The following GEN1 variants were observed in gnomAD, a reference collection of about 807,000 sequenced individuals.
GEN1 encodes the protein GEN1 structure-specific endonuclease, also known as flap endonuclease GEN homolog 1.
In GEN1, 64 loss-of-function variants were observed where a neutral mutation model predicts 67.6. That is an observed-to-expected ratio of 0.95 (90% CI 0.77 to 1.17). The LOEUF (loss-of-function observed/expected upper bound fraction) is 1.17, where lower values mean the gene tolerates loss of function less well. Ranked by LOEUF, GEN1 falls within the 50% of genes most tolerant of loss-of-function variation. The probability of loss-of-function intolerance (pLI) is 0.00; values close to 1 mark genes in which losing one functional copy is unlikely to be tolerated. For missense variants in GEN1, 1,058 were observed against 1,048.3 expected (o/e 1.01, Z -0.13); for synonymous variants, 371 against 359.4 (o/e 1.03, Z -0.37).
In GEN1 at chr2:17,778,071, T is replaced by C. The variant is rs763198118; in HGVS notation, c.1264+8T>C. On this transcript the variant is annotated splice_region_variant and intron_variant, in intron 12 of 13. Transcript: ENST00000381254. ...TAGAATGGGAAAAGCCTGGTATGTA[T>C]TCACTTTAAGCAAAATATTCCATTT... is the stretch of plus-strand genomic sequence containing the variant. 3.2e-6 allele frequency: 5 copies of C among 1,552,116 alleles called. No homozygotes were observed. Among genetic ancestry groups the C allele is most frequent in the Non-Finnish European group, 4.4e-6 (5 of 1,126,624 alleles).
At chr2:17,779,050 G>A (rs1288117806) in intron 12 of GEN1, among the ~76,000 whole-genome samples, 3 of 152,130 alleles carry the variant, frequency 2.0e-5, no homozygotes, top group African/African-American at 7.2e-5. Flanking sequence ...AGCCTCCCAA[G>A]TAGCTGGGGT....
intron 11 of GEN1, among the ~76,000 whole-genome samples, chr2:17,777,157 T>C (rs1309645059): frequency 2.0e-5 from 3 of 152,002 alleles, no homozygotes; most frequent in African/African-American, 7.3e-5. Flanking sequence ...AAAGTGTTGT[T>C]AAAGGATATA....
rs887233527 is a variant in GEN1, at chr2:17,781,742, A to G, written c.2530A>G (p.Lys844Glu). ...ESGHNKLSSP[K>E]IHIKETEQCV... Reference sequence around the variant, plus strand: ...TGGCCATAACAAGTTGAGTAGCCCTAAGATACATATTAAAGAAACTGAACA... The same window carrying G: ...TGGCCATAACAAGTTGAGTAGCCCTGAGATACATATTAAAGAAACTGAACA... The change falls in exon 14 of 14, where the codon AAG becomes GAG. Residue 844 changes from lysine (K) to glutamate (E), a missense_variant. Lys to Glu is a moderately conservative substitution (Grantham distance 56, BLOSUM62 1). Transcript: ENST00000381254. 1.2e-6 allele frequency: 2 copies of G among 1,613,742 alleles called. No homozygotes were observed. Among genetic ancestry groups the G allele is most frequent in the Non-Finnish European group, 1.7e-6 (2 of 1,179,752 alleles).
chr2:17,759,779 C>G (rs1244395049), intron 1 of GEN1, 150 bp from the exon 2 acceptor site: 4 of 587,044 alleles, frequency 6.8e-6, no homozygotes, highest in Non-Finnish European at 1.1e-5. Context: ...TTCAGGTGTT[C>G]TTAATTCATT....
Position 17,780,758 on chromosome 2 carries a change from A to T in GEN1, c.1546A>T (p.Thr516Ser). Reference sequence around the variant, plus strand: ...AAATTCGGGGATTTCCCCTGATCCTACATTACCACAGGAATCTATTTCTGC... The same window carrying T: ...AAATTCGGGGATTTCCCCTGATCCTTCATTACCACAGGAATCTATTTCTGC... ...KLNSGISPDPTLPQESISASL... is the reference protein window; with the variant it reads ...KLNSGISPDPSLPQESISASL... The change falls in exon 14 of 14, where the codon ACA (threonine) becomes TCA (serine). Residue 516 changes from threonine (T) to serine (S), a missense_variant. Transcript: ENST00000381254. 6.2e-7 allele frequency: 1 copy of T among 1,614,014 alleles called. No individual in the cohort carries two copies. The highest frequency in any genetic ancestry group is 1.1e-5 in the South Asian group (1 of 91,058).
In GEN1 at chr2:17,781,261, A is replaced by C. The variant is rs1407244181; in HGVS notation, c.2049A>C (p.Ser683=). 2.5e-6 allele frequency: 4 copies of C among 1,613,458 alleles called. No individual in the cohort carries two copies. The highest frequency in any genetic ancestry group is 2.5e-6 in the Non-Finnish European group (3 of 1,179,450). ...AGGAACGAATATTTACAAAATTATC[A>C]TATCCTCAGGATAATCTACAACCAG... ...PLKERIFTKL[S]YPQDNLQPDV... The change falls in exon 14 of 14, where the codon TCA becomes TCC. Residue 683 remains serine (S), a synonymous_variant. Transcript: ENST00000381254.
intron 1 of GEN1, among the ~76,000 whole-genome samples, chr2:17,759,060 CATAAAGGTG>C (rs368500648): frequency 6.6e-6 from 1 of 152,132 alleles, no homozygotes; most frequent in African/African-American, 2.4e-5. Context: ...AAGGTTTCTG[CATAAAGGTG>C]ATAGTCTTTT....
Position 17,761,515 on chromosome 2 carries a change from A to T in GEN1, c.281A>T (p.Tyr94Phe). The change falls in exon 3 of 14, where the codon TAT becomes TTT. Residue 94 changes from tyrosine to phenylalanine, a missense_variant. Coordinates refer to ENST00000381254, the MANE Select transcript of GEN1 (RefSeq NM_001130009.3). ...DVISKRNQSR[Y>F]GSSGKSWSQK... ...ATAAGCAAGAGGAATCAGTCTCGGTATGGGTCTTCTGGAAAATCGTGGTCT... is the reference window on the plus strand; with the variant it reads ...ATAAGCAAGAGGAATCAGTCTCGGTTTGGGTCTTCTGGAAAATCGTGGTCT... 6.2e-7 allele frequency: 1 copy of T among 1,613,430 alleles called. No individual in the cohort carries two copies. The highest frequency in any genetic ancestry group is 2.2e-5 in the East Asian group (1 of 44,858).
At chr2:17,760,219 TTTAAGATC>T in intron 2 of GEN1, 115 bp downstream of exon 2, 1 of 1,006,996 alleles carries the variant, frequency 9.9e-7, no homozygotes, top group South Asian at 1.8e-5. Flanking sequence ...ATTTTGAGGT[TTTAAGATC>T]TATTTAACAT....
chr2:17,753,763 G>A (rs983936216), upstream of GEN1: 15 of 152,290 alleles, frequency 9.8e-5, no homozygotes, highest in African/African-American at 3.6e-4. Context: ...GCCGGCCGCA[G>A]GAGAAGGTAG....
In GEN1 at chr2:17,781,780, T is replaced by G. The variant is rs749567002; in HGVS notation, c.2568T>G (p.Ser856=). 2 of 1,612,836 alleles carry G rather than the reference T, an allele frequency of 1.2e-6. No individual in the cohort carries two copies. Among genetic ancestry groups the G allele is most frequent in the Non-Finnish European group, 1.7e-6 (2 of 1,179,602 alleles). ...AAGAAACTGAACAGTGTGTCAGATC[T>G]TATGAAACAGCTGAAAATGAAGAAA... ...HIKETEQCVR[S]YETAENEESC... is the part of the protein sequence containing the mutation. The change falls in exon 14 of 14, where the codon TCT becomes TCG. Residue 856 remains serine, a synonymous_variant. Coordinates refer to ENST00000381254, the MANE Select transcript of GEN1 (RefSeq NM_001130009.3).
chr2:17,771,744 A>G (rs907083233), intron 7 of GEN1, among the ~76,000 whole-genome samples: 3 of 151,540 alleles, frequency 2.0e-5, no homozygotes, highest in Admixed American at 6.6e-5. Context: ...ATACATGTTC[A>G]CTATTCTTGA....
chr2:17,776,088 A>G (rs970672297), intron 11 of GEN1, among the ~76,000 whole-genome samples: 29 of 149,100 alleles, frequency 1.9e-4, no homozygotes, highest in Non-Finnish European at 3.4e-4. Context: ...TGCACTCCAA[A>G]CTTGGTGACA....
At position 17,772,519 on chromosome 2, in the gene GEN1, G is replaced by C. The variant is rs548433334; in HGVS notation, c.803-115G>C. ...GTATTGAAACCTTTCTATATGCTAG[G>C]TAGTGTGCTAGGCAATATTAATTTT... On this transcript the variant is annotated intron_variant, in intron 7 of 13. Coordinates refer to ENST00000381254, the MANE Select transcript of GEN1 (RefSeq NM_001130009.3). The C allele has an allele frequency of 9.7e-6, 7 of 721,168 alleles. No homozygotes were observed. The Admixed American group carries it at 1.4e-4, about 14-fold the overall frequency. The allele number at this position is 721,168 out of a possible 1,614,324, so 44.7% of individuals were successfully genotyped here.
intron 12 of GEN1, among the ~76,000 whole-genome samples, chr2:17,779,371 C>T (rs1459798318): frequency 1.3e-5 from 2 of 152,214 alleles, no homozygotes; most frequent in African/African-American, 4.8e-5. Context: ...CCAACCTTAC[C>T]TAAACAAAGT....
chr2:17,778,401 T>C (rs1307706601), intron 12 of GEN1, among the ~76,000 whole-genome samples: 3 of 22,234 alleles, frequency 1.3e-4, no homozygotes, highest in African/African-American at 3.3e-4. Flanking sequence ...CATATATGTA[T>C]ATACACACAT....
At chr2:17,757,455 T>G (rs1671485820) in intron 1 of GEN1, among the ~76,000 whole-genome samples, 2 of 152,136 alleles carry the variant, frequency 1.3e-5, no homozygotes, top group South Asian at 4.1e-4. Context: ...TAAATGTGTG[T>G]TTATGTGTGC....
At chr2:17,759,711 T>C (rs1671586035) in intron 1 of GEN1, among the ~76,000 whole-genome samples, 1 of 152,228 alleles carries the variant, frequency 6.6e-6, no homozygotes, top group Non-Finnish European at 1.5e-5. Flanking sequence ...TACCGATCTC[T>C]GCTTTTGTTA....
intron 13 of GEN1, among the ~76,000 whole-genome samples, chr2:17,780,396 G>A (rs1672766866): frequency 6.6e-6 from 1 of 152,118 alleles, no homozygotes; most frequent in African/African-American, 2.4e-5. Context: ...AGCATATTCG[G>A]ATTTTAAATG....
Sources: gnomAD v4.1 joint callset for allele counts (sites outside exome capture counted in the v4.1 genomes callset) on GRCh38, gnomAD v4.1.1 for gene constraint, MANE v1.5 for transcripts, NCBI Gene and HGNC (gene_info 2026-07-23, HGNC 2026-07-21) for gene names.